The following SLC38A6 variants were observed in gnomAD, a reference collection of about 807,000 sequenced individuals.
SLC38A6 encodes solute carrier family 38 member 6.
A neutral mutation model predicts 65.0 loss-of-function variants in SLC38A6; 73 were observed. The observed-to-expected ratio is 1.12, with a 90% confidence interval of 0.93 to 1.37. SLC38A6 has a LOEUF of 1.37. Ranked by LOEUF, SLC38A6 falls within the 40% of genes most tolerant of loss-of-function variation. The pLI, the probability that SLC38A6 is intolerant of heterozygous loss-of-function variation, is 0.00. For missense variants in SLC38A6, 561 were observed against 531.1 expected (o/e 1.06, Z -0.55); for synonymous variants, 183 against 178.8 (o/e 1.02, Z -0.19).
chr14:61,001,516 C>G (rs1186666830), intron 3 of SLC38A6, among the ~76,000 whole-genome samples: 1 of 152,218 alleles, frequency 6.6e-6, no homozygotes, highest in East Asian at 1.9e-4. Flanking sequence ...TATATGGTTA[C>G]ATGTATGTGT....
intron 16 of SLC38A6, among the ~76,000 whole-genome samples, chr14:61,079,884 G>A (rs1301110145): frequency 6.6e-6 from 1 of 152,142 alleles, no homozygotes; most frequent in African/African-American, 2.4e-5. Context: ...CCATGGAATG[G>A]GAGTTTCACC....
chr14:61,083,631 C>A (rs538691271), exon 17 of SLC38A6: 6 of 1,550,440 alleles, frequency 3.9e-6, no homozygotes, highest in Non-Finnish European at 4.4e-6. Flanking sequence ...GTTTACAAGC[C>A]AAGGGAAGAG....
intron 2 of SLC38A6, 58 bp from the exon 3 acceptor site, chr14:60,984,672 C>T: frequency 1.4e-6 from 2 of 1,434,408 alleles, no homozygotes; most frequent in African/African-American, 1.4e-5. Flanking sequence ...TGTAATGAGA[C>T]ACCATACAAA....
chr14:61,046,380 T>A (rs1594735547), intron 12 of SLC38A6, among the ~76,000 whole-genome samples: 1 of 152,238 alleles, frequency 6.6e-6, no homozygotes, highest in East Asian at 1.9e-4. Context: ...TGACTTCTTA[T>A]GAAAATTTTC....
chr14:61,043,267 A>G, intron 9 of SLC38A6, 55 bp downstream of exon 9: 5 of 1,234,418 alleles, frequency 4.1e-6, no homozygotes, highest in Non-Finnish European at 5.7e-6. Flanking sequence ...ACTAAAAAGA[A>G]AAGAAAGACT....
Position 61,014,229 on chromosome 14 carries a change from C to G in SLC38A6, c.311-1675C>G, listed in dbSNP as rs139336359. The stretch of plus-strand genomic sequence containing the variant: ...GTAGTTCTCGTGCCGTGGTTTTCAG[C>G]TCCATCAGGTCCTTTAGGGACTTCT... On this transcript the variant is annotated intron_variant, in intron 3 of 15. Coordinates refer to ENST00000267488, the MANE Select transcript of SLC38A6 (RefSeq NM_153811.3). Among the ~76,000 whole-genome samples the G allele has an allele frequency of 5.1e-3, 776 of 152,312 alleles. 12 individuals carry two copies. The highest frequency in any genetic ancestry group is 0.017 in the African/African-American group (727 of 41,560).
Position 61,045,409 on chromosome 14 carries a change from T to C in SLC38A6, c.808T>C (p.Tyr270His). 5.6e-6 allele frequency: 9 copies of C among 1,611,686 alleles called. No homozygotes were observed. The highest frequency in any genetic ancestry group is 7.6e-6 in the Non-Finnish European group (9 of 1,177,970). ...CTGCCATACCTCAATATTGCCCATA[T>C]ACTGTGAACTTCAAAGGTACTGTAG... ...FLCHTSILPI[Y>H]CELQSPSKKR... The change falls in exon 11 of 16, where the codon TAC (tyrosine) becomes CAC (histidine). Residue 270 changes from tyrosine (Y) to histidine (H), a missense_variant. Coordinates refer to ENST00000267488, the MANE Select transcript of SLC38A6 (RefSeq NM_153811.3).
intron 16 of SLC38A6, among the ~76,000 whole-genome samples, chr14:61,080,914 G>A (rs923732236): frequency 3.3e-5 from 5 of 152,322 alleles, no homozygotes; most frequent in East Asian, 1.9e-4. Context: ...CATTGTCAGC[G>A]CGAGGGAGGT....
At chr14:61,040,338 ATT>A (rs71114180) in intron 8 of SLC38A6, among the ~76,000 whole-genome samples, 41 of 134,688 alleles carry the variant, frequency 3.0e-4, no homozygotes, top group Non-Finnish European at 3.5e-4. Context: ...CGCCTGGATA[ATT>A]TTTTTTTTTT....
intron 3 of SLC38A6, among the ~76,000 whole-genome samples, chr14:61,012,889 G>A (rs922020550): frequency 6.6e-6 from 1 of 152,206 alleles, no homozygotes; most frequent in Non-Finnish European, 1.5e-5. Flanking sequence ...TTCTGTAGAT[G>A]TCTATTAGGT....
intron 15 of SLC38A6, among the ~76,000 whole-genome samples, chr14:61,066,027 G>T (rs1349193120): frequency 2.0e-5 from 3 of 152,146 alleles, no homozygotes; most frequent in Non-Finnish European, 2.9e-5. Context: ...CTGTGGCTGT[G>T]TTAGAATTAG....
chr14:61,002,777 T>C (rs1566630288), intron 3 of SLC38A6, among the ~76,000 whole-genome samples: 1 of 152,160 alleles, frequency 6.6e-6, no homozygotes, highest in Non-Finnish European at 1.5e-5. Flanking sequence ...ATTTCTTTAA[T>C]ATCAAAAAAA....
downstream of SLC38A6, among the ~76,000 whole-genome samples, chr14:61,054,133 CT>C (rs1323884790): frequency 3.9e-5 from 6 of 152,146 alleles, no homozygotes; most frequent in Non-Finnish European, 7.3e-5. Context: ...AATAGTGAGT[CT>C]TTTCCCCATT....
intron 5 of SLC38A6, among the ~76,000 whole-genome samples, chr14:61,024,221 T>G (rs2040493472): frequency 6.6e-6 from 1 of 152,208 alleles, no homozygotes; most frequent in Non-Finnish European, 1.5e-5. Flanking sequence ...AATCTCTAAA[T>G]TTTATAATGG....
rs2037325927 is a variant in SLC38A6 at position 60,984,741 on chromosome 14, T to C, written c.248T>C (p.Leu83Pro). 1.9e-6 allele frequency: 3 copies of C among 1,614,000 alleles called. No homozygotes were observed. The South Asian group carries it at 3.3e-5, about 18-fold the overall frequency. The change falls in exon 3 of 16, where the codon CTG becomes CCG. Residue 83 changes from leucine (L) to proline (P), a missense_variant. Transcript: ENST00000267488. ...CTTTTATGTTTTAGCTTCTTGCTGC[T>C]GACAGTTGCTCTCCTGGCTTCTTAC... The part of the protein sequence containing the change: ...TGVFGFSFLL[L>P]TVALLASYSV...
chr14:61,032,834 G>A (rs923403994), intron 6 of SLC38A6, among the ~76,000 whole-genome samples: 5 of 151,826 alleles, frequency 3.3e-5, no homozygotes, highest in Admixed American at 2.0e-4. Context: ...AGAGAAACAT[G>A]ATATTGATAA....
chr14:61,032,839 TG>T (rs2041094138), intron 6 of SLC38A6, among the ~76,000 whole-genome samples: 1 of 151,950 alleles, frequency 6.6e-6, no homozygotes. Flanking sequence ...AACATGATAT[TG>T]ATAAGCTTTT....
Position 60,982,546 on chromosome 14 carries a change from T to C in SLC38A6, c.144T>C (p.Gly48=), listed in dbSNP as rs577684125. 4 of 1,613,996 alleles carry C rather than the reference T, an allele frequency of 2.5e-6. No homozygotes were observed. In the South Asian group the frequency reaches 4.4e-5, roughly 18 times the overall value. ...AGCGATCCCCAGGTGTTTCATTTGG[T>C]TTATCAGTGTTTAATTTGATGAATG... ...HRQRSPGVSF[G]LSVFNLMNAI... Residue 48 remains glycine (G), a synonymous_variant, in exon 2 of 16, where the codon GGT becomes GGC. Transcript: ENST00000267488.
chr14:60,989,092 T>C lies in SLC38A6; in HGVS notation c.310+4289T>C, dbSNP rs546890535. Reference sequence around the variant, plus strand: ...TTGATTTCACCCATAACTGATATTCTTCGCTTTCTGTTTCACTGAAAAAAT... The same window carrying C: ...TTGATTTCACCCATAACTGATATTCCTCGCTTTCTGTTTCACTGAAAAAAT... On this transcript the variant is annotated intron_variant, in intron 3 of 15. Transcript: ENST00000267488. 5.3e-5 allele frequency among the ~76,000 whole-genome samples: 8 copies of C among 152,320 alleles called. No individual in the cohort carries two copies. The East Asian group carries it at 1.2e-3, about 22-fold the overall frequency.
Sources: allele counts gnomAD v4.1 joint callset (sites outside exome capture counted in the v4.1 genomes callset), GRCh38; gene constraint gnomAD v4.1.1; transcripts MANE v1.5; gene names NCBI Gene and HGNC (gene_info 2026-07-23, HGNC 2026-07-21).